ANK2: variants seen among roughly 807,000 people sequenced by gnomAD.
The protein encoded by ANK2 is ankyrin 2.
Under a neutral mutation model 360.5 loss-of-function variants are expected in ANK2, and 83 were observed. The ratio of observed to expected loss-of-function variants is 0.23; its 90% CI spans 0.19 to 0.28. ANK2 has a LOEUF of 0.28. Among genes scored for constraint, ANK2 ranks in the 10% least tolerant of loss-of-function variants. The probability of loss-of-function intolerance (pLI) is 1.00; values close to 1 mark genes in which losing one functional copy is unlikely to be tolerated. For synonymous variants in ANK2, 1,740 were observed against 1,759.5 expected, an observed-to-expected ratio of 0.99 and a Z score of 0.28; for missense variants, 4,201 against 4,795.7, an observed-to-expected ratio of 0.88 and a Z score of 3.66.
At chr4:113,375,984 A>C (rs1207263254) in intron 45 of ANK2, among the ~76,000 whole-genome samples, 1 of 152,234 alleles carries the variant, frequency 6.6e-6, no homozygotes. Flanking sequence ...TATATAGTAC[A>C]GTCATGCATT....
At chr4:113,342,902 T>A (rs2094452705) in intron 33 of ANK2, 115 bp from the exon 34 acceptor site, 1 of 1,307,166 alleles carries the variant, frequency 7.7e-7, no homozygotes, top group Admixed American at 1.7e-5. Flanking sequence ...AATTTAAAGA[T>A]GGTTGTATGT....
chr4:113,046,707 C>T (rs980865772), upstream of ANK2, among the ~76,000 whole-genome samples: 8 of 152,024 alleles, frequency 5.3e-5, no homozygotes, highest in East Asian at 3.9e-4. Flanking sequence ...TAAATTACCT[C>T]GTCTCAGGTA....
chr4:113,085,240 G>GT (rs1205349037), intron 1 of ANK2, among the ~76,000 whole-genome samples: 3 of 152,176 alleles, frequency 2.0e-5, no homozygotes, highest in Non-Finnish European at 2.9e-5. Flanking sequence ...CATATTTTGT[G>GT]TATTGCCTTT....
In ANK2 at chr4:113,258,131, A is replaced by G; in HGVS notation, c.1270A>G (p.Ile424Val). The G allele has an allele frequency of 6.2e-7, 1 of 1,613,852 alleles. No individual in the cohort carries two copies. Among genetic ancestry groups the G allele is most frequent in the African/African-American group, 1.3e-5 (1 of 75,052 alleles). The change falls in exon 12 of 46, where the codon ATC becomes GTC. Residue 424 changes from isoleucine to valine, a missense_variant. By Grantham distance (29) the Ile-to-Val change is conservative. Transcript: ENST00000357077. ...MELLVKYGAS[I>V]QAITESGLTP... ...ACTGCTGGTGAAATATGGGGCTTCA[A>G]TCCAAGCTATAACAGAGGTAGAAAA...
At position 112,968,305 on chromosome 4, in the gene ANK2, G is replaced by A. The variant is rs528195055; in HGVS notation, c.21+63791G>A. Among the ~76,000 whole-genome samples, 6 of 152,244 alleles carry A rather than the reference G, an allele frequency of 3.9e-5. No individual in the cohort carries two copies. In the East Asian group the frequency reaches 7.7e-4, roughly 20 times the overall value. On this transcript the variant is annotated intron_variant, in intron 2 of 30. Transcript: ENST00000503271. ...CTTTCAGATGTTGGGTCTCTGGCTC[G>A]GACATCTGTCACTCCCCATGGACCA...
intron 30 of ANK2, 85 bp from the exon 31 acceptor site, chr4:113,336,492 G>T: frequency 7.8e-7 from 1 of 1,283,886 alleles, no homozygotes; most frequent in Middle Eastern, 2.6e-4. Context: ...CTTTGGGGAA[G>T]AAATTTGAAA....
chr4:113,012,892 A>G lies in ANK2; in HGVS notation c.21+108378A>G, dbSNP rs573303180. Among the ~76,000 whole-genome samples, 7 of 152,260 alleles carry G rather than the reference A, an allele frequency of 4.6e-5. No individual in the cohort carries two copies. The East Asian group carries it at 1.2e-3, about 25-fold the overall frequency. On this transcript the variant is annotated intron_variant, in intron 2 of 30. Transcript: ENST00000503271. ...GATCTCACAGGCCTCTCATCCATAG[A>G]TGCCTATCACTGAGATCTGTATATT... is the stretch of plus-strand genomic sequence containing the variant.
chr4:113,048,381 C>T (rs2065482104), upstream of ANK2, among the ~76,000 whole-genome samples: 1 of 140,468 alleles, frequency 7.1e-6, no homozygotes, highest in African/African-American at 2.6e-5. Flanking sequence ...CAACCTTCGC[C>T]TCCCGAGTTC....
chr4:112,731,985 G>A, the ANK2 span, among the ~76,000 whole-genome samples: 1 of 152,152 alleles, frequency 6.6e-6, no homozygotes, highest in Non-Finnish European at 1.5e-5. Flanking sequence ...TTCATATGTT[G>A]TGGTATACAA....
At chr4:113,245,788 A>G (rs1269501079) in intron 9 of ANK2, among the ~76,000 whole-genome samples, 2 of 152,138 alleles carry the variant, frequency 1.3e-5, no homozygotes, top group Non-Finnish European at 2.9e-5. Flanking sequence ...AGAATATAAT[A>G]AAGCTTCTAC....
intron 13 of ANK2, among the ~76,000 whole-genome samples, chr4:113,258,708 T>C (rs2050888196): frequency 6.6e-6 from 1 of 152,168 alleles, no homozygotes; most frequent in Admixed American, 6.5e-5. Context: ...AAAATACATT[T>C]TAAAAGCTCC....
intron 1 of ANK2, among the ~76,000 whole-genome samples, chr4:112,883,985 A>C (rs2077545401): frequency 6.9e-6 from 1 of 144,592 alleles, no homozygotes; most frequent in African/African-American, 2.6e-5. Context: ...AATATTTTTA[A>C]ATAGAGATTT....
chr4:112,814,172 A>C (rs999102482), upstream of ANK2, among the ~76,000 whole-genome samples: 1 of 152,224 alleles, frequency 6.6e-6, no homozygotes, highest in African/African-American at 2.4e-5. Context: ...TTGCCTAAAC[A>C]CTATTACTTT....
the ANK2 span, among the ~76,000 whole-genome samples, chr4:112,806,699 C>T: frequency 6.6e-6 from 1 of 151,998 alleles, no homozygotes; most frequent in African/African-American, 2.4e-5. Flanking sequence ...GTTGGTGGTG[C>T]ATGCCTGTAG....
At chr4:113,182,101 C>A (rs144554295) in intron 2 of ANK2, among the ~76,000 whole-genome samples, 7 of 152,112 alleles carry the variant, frequency 4.6e-5, no homozygotes, top group African/African-American at 1.7e-4. Flanking sequence ...TGGCTGGATT[C>A]TAGACACATT....
intron 4 of ANK2, among the ~76,000 whole-genome samples, chr4:113,228,625 G>A (rs1307255669): frequency 6.6e-6 from 1 of 151,998 alleles, no homozygotes. Context: ...TTTTGCAACT[G>A]TGAATTGTGC....
At chr4:112,830,012 G>A (rs952095673) in intron 1 of ANK2, among the ~76,000 whole-genome samples, 2 of 151,984 alleles carry the variant, frequency 1.3e-5, no homozygotes, top group Admixed American at 6.6e-5. Context: ...AGATGCTGGC[G>A]AGGTTGCGGA....
intron 2 of ANK2, among the ~76,000 whole-genome samples, chr4:112,946,096 C>A (rs2094525431): frequency 6.6e-6 from 1 of 152,192 alleles, no homozygotes; most frequent in African/African-American, 2.4e-5. Context: ...TAGTGATTTT[C>A]TGGGCTCAGG....
chr4:112,810,713 G>A, the ANK2 span, among the ~76,000 whole-genome samples: 1 of 151,432 alleles, frequency 6.6e-6, no homozygotes, highest in Admixed American at 6.6e-5. Context: ...CACCTCGCTC[G>A]GCTAATTTTT....
Sources: gnomAD v4.1 joint callset for allele counts (sites outside exome capture counted in the v4.1 genomes callset) on GRCh38, gnomAD v4.1.1 for gene constraint, MANE v1.5 for transcripts, NCBI Gene and HGNC (gene_info 2026-07-23, HGNC 2026-07-21) for gene names.